Variants in CDC27 observed in about 807,000 individuals in gnomAD.
CDC27 encodes cell division cycle 27.
A neutral mutation model predicts 109.7 loss-of-function variants in CDC27; 27 were observed. That is an observed-to-expected ratio of 0.25 (90% CI 0.18 to 0.34). CDC27 has a LOEUF of 0.34. Among genes scored for constraint, CDC27 ranks in the 10% least tolerant of loss-of-function variants. The probability of loss-of-function intolerance (pLI) is 1.00; values close to 1 mark genes in which losing one functional copy is unlikely to be tolerated. For synonymous variants in CDC27, 266 were observed against 333.9 expected, an observed-to-expected ratio of 0.80 and a Z score of 2.22; for missense variants, 579 against 960.2, an observed-to-expected ratio of 0.60 and a Z score of 5.25.
intron 5 of CDC27, among the ~76,000 whole-genome samples, chr17:47,157,840 G>A (rs914170578): frequency 2.6e-5 from 4 of 152,112 alleles, no homozygotes; most frequent in Non-Finnish European, 5.9e-5. Flanking sequence ...TTCTCTCCCT[G>A]TACTGTTCAG....
intron 13 of CDC27, 89 bp downstream of exon 13, chr17:47,138,650 A>G: frequency 1.1e-6 from 1 of 879,868 alleles, no homozygotes. Flanking sequence ...GGGTGACACT[A>G]AATAGTGTTT....
At chr17:47,176,772 T>G (rs2064030201) in intron 2 of CDC27, among the ~76,000 whole-genome samples, 1 of 152,222 alleles carries the variant, frequency 6.6e-6, no homozygotes, top group Non-Finnish European at 1.5e-5. Context: ...TTGAGTTTGA[T>G]GTGTCTGTGA....
At chr17:47,160,609 A>G (rs536302309) in intron 4 of CDC27, among the ~76,000 whole-genome samples, 1 of 152,186 alleles carries the variant, frequency 6.6e-6, no homozygotes, top group Admixed American at 6.5e-5. Context: ...AAAAAATACA[A>G]CTTACCTGGT....
chr17:47,127,569 A>T (rs2062183289), intron 16 of CDC27, among the ~76,000 whole-genome samples: 1 of 151,664 alleles, frequency 6.6e-6, no homozygotes, highest in African/African-American at 2.4e-5. Flanking sequence ...TGCCCGGCTA[A>T]TTTTTGTATT....
intron 1 of CDC27, chr17:47,188,873 A>C: frequency 7.3e-7 from 1 of 1,373,394 alleles, no homozygotes; most frequent in South Asian, 1.6e-5. Context: ...CTGGACTGAC[A>C]GGAAAGGCTG....
chr17:47,168,180 T>C (rs2063705845), intron 4 of CDC27, among the ~76,000 whole-genome samples: 1 of 152,122 alleles, frequency 6.6e-6, no homozygotes, highest in East Asian at 1.9e-4. Flanking sequence ...GGTGATAATC[T>C]TATCACCAAT....
At chr17:47,129,989 CTG>C (rs1227242204) in intron 15 of CDC27, among the ~76,000 whole-genome samples, 2 of 72,126 alleles carry the variant, frequency 2.8e-5, no homozygotes, top group African/African-American at 7.8e-5. Flanking sequence ...CTTCTCAAAA[CTG>C]TGTTAACACT....
intron 9 of CDC27, among the ~76,000 whole-genome samples, chr17:47,144,263 T>TAA (rs11570515): frequency 2.0e-5 from 3 of 151,934 alleles, no homozygotes; most frequent in Admixed American, 6.6e-5. Flanking sequence ...TTCCTTCATA[T>TAA]AAAAAAATAA....
At chr17:47,133,565 G>C (rs1311889508) in intron 14 of CDC27, among the ~76,000 whole-genome samples, 1 of 150,542 alleles carries the variant, frequency 6.6e-6, no homozygotes, top group African/African-American at 2.4e-5. Context: ...TCAGCCTTCC[G>C]AGTAGCTGGG....
chr17:47,157,456 A>AAAAGAATTAGCTTGAACCTCCTCC, intron 5 of CDC27, 72 bp from the exon 6 acceptor site: 1 of 1,194,458 alleles, frequency 8.4e-7, no homozygotes, highest in Non-Finnish European at 1.2e-6. Flanking sequence ...GTATGCATAA[A>AAAAGAATTAGCTTGAACCTCCTCC]TCAGTGGAAA....
intron 4 of CDC27, among the ~76,000 whole-genome samples, chr17:47,167,099 C>T (rs1230209799): frequency 1.3e-5 from 2 of 152,230 alleles, no homozygotes; most frequent in Admixed American, 1.3e-4. Flanking sequence ...AGGTGATCCA[C>T]CCACCTTGGC....
In CDC27 at chr17:47,120,978, G is replaced by A; in HGVS notation, c.2432C>T (p.Ala811Val). ...AGCTGCATGAAGTTGTGTGTCATCC[G>A]CATCTGTCATGCTGCTCTCCTGGGA... Reference protein sequence around the residue: ...DESQESSMTDADDTQLHAAES... With the variant: ...DESQESSMTDVDDTQLHAAES... The change falls in exon 19 of 19, where the codon GCG becomes GTG. Residue 811 changes from alanine to valine, a missense_variant. This residue lies in a region of CDC27 where 227 missense variants were observed against 363.6 expected (regional missense o/e 0.62). Coordinates refer to ENST00000066544, the MANE Select transcript of CDC27 (RefSeq NM_001256.6). The A allele has an allele frequency of 2.5e-6, 4 of 1,612,730 alleles. No homozygotes were observed. Among genetic ancestry groups the A allele is most frequent in the South Asian group, 2.2e-5 (2 of 90,902 alleles).
intron 4 of CDC27, chr17:47,161,275 C>T (rs1022856336): frequency 1.3e-5 from 2 of 151,678 alleles, no homozygotes; most frequent in Non-Finnish European, 2.9e-5. Flanking sequence ...TGAGCCACCA[C>T]AACTGGCCTG....
At chr17:47,164,183 G>A (rs909751051) in intron 4 of CDC27, among the ~76,000 whole-genome samples, 1 of 152,156 alleles carries the variant, frequency 6.6e-6, no homozygotes, top group South Asian at 2.1e-4. Context: ...GTACAGGTTT[G>A]TGGCCCAGGA....
intron 15 of CDC27, among the ~76,000 whole-genome samples, chr17:47,131,047 A>G (rs2062314254): frequency 6.6e-6 from 1 of 152,114 alleles, no homozygotes; most frequent in African/African-American, 2.4e-5. Flanking sequence ...TTCTGCCCAC[A>G]GGACTGAGAC....
At chr17:47,177,361 G>A (rs1223931873) in intron 2 of CDC27, among the ~76,000 whole-genome samples, 1 of 152,220 alleles carries the variant, frequency 6.6e-6, no homozygotes, top group Non-Finnish European at 1.5e-5. Context: ...CAGATCACTT[G>A]AGGCTAGGAG....
In CDC27 at chr17:47,155,525, C is replaced by T. The variant is rs139417683; in HGVS notation, c.843-739G>A. Among the ~76,000 whole-genome samples the T allele has an allele frequency of 4.8e-3, 730 of 152,284 alleles. 4 individuals carry two copies. Among genetic ancestry groups the T allele is most frequent in the Middle Eastern group, 0.017 (5 of 294 alleles). ...CCTCCCAAAGTGCTGGGATTACAGG[C>T]ATGAGCCCCCATGCCCAACCCATTC... is the stretch of plus-strand genomic sequence containing the variant. On this transcript the variant is annotated intron_variant, in intron 7 of 18. Coordinates refer to ENST00000066544, the MANE Select transcript of CDC27 (RefSeq NM_001256.6).
intron 12 of CDC27, among the ~76,000 whole-genome samples, chr17:47,139,266 CTTTT>C (rs758367976): frequency 2.9e-5 from 4 of 137,880 alleles, no homozygotes; most frequent in Non-Finnish European, 3.2e-5. Flanking sequence ...CAGAATAACT[CTTTT>C]TTTTTTTTTT....
chr17:47,161,367 G>C (rs1956187713), intron 4 of CDC27, among the ~76,000 whole-genome samples: 1 of 152,090 alleles, frequency 6.6e-6, no homozygotes, highest in Non-Finnish European at 1.5e-5. Flanking sequence ...AGGAAATGAA[G>C]AAAGGGCATA....
Sources: gnomAD v4.1 joint callset for allele counts (sites outside exome capture counted in the v4.1 genomes callset) on GRCh38, gnomAD v4.1.1 for gene constraint, gnomAD v4.1.1 regional missense constraint, MANE v1.5 for transcripts, NCBI Gene and HGNC (gene_info 2026-07-23, HGNC 2026-07-21) for gene names.